The following TXLNB variants were observed in gnomAD, a reference collection of about 807,000 sequenced individuals.
The protein encoded by TXLNB is beta-taxilin.
TXLNB carries 37 observed loss-of-function variants against 57.4 expected under a neutral mutation model. The observed-to-expected ratio is 0.64, with a 90% confidence interval of 0.50 to 0.85. TXLNB has a LOEUF of 0.85. Ranked by LOEUF, TXLNB falls within the 40% of genes least tolerant of loss-of-function variation. The pLI is 0.00. For missense variants in TXLNB, 848 were observed against 825.6 expected (o/e 1.03, Z -0.33); for synonymous variants, 302 against 309.6 (o/e 0.98, Z 0.26).
chr6:139,174,528 C>T, the TXLNB span: 1 of 1,613,776 alleles, frequency 6.2e-7, no homozygotes, highest in Non-Finnish European at 8.5e-7. Context: ...GGCTGCCTCT[C>T]CATGTTGTCA....
intron 2 of TXLNB, among the ~76,000 whole-genome samples, chr6:139,281,144 T>A (rs1467034002): frequency 2.6e-5 from 4 of 152,172 alleles, no homozygotes; most frequent in African/African-American, 9.7e-5. Context: ...AATTAGTGGG[T>A]TGACTAAATG....
the TXLNB span, among the ~76,000 whole-genome samples, chr6:139,301,209 G>T: frequency 7.9e-5 from 12 of 152,108 alleles, no homozygotes; most frequent in Admixed American, 5.2e-4. Context: ...GGTCTCTGTG[G>T]AAAGGACAAA....
chr6:139,313,199 A>G, the TXLNB span, among the ~76,000 whole-genome samples: 4 of 151,592 alleles, frequency 2.6e-5, no homozygotes, highest in Non-Finnish European at 5.9e-5. Flanking sequence ...CAGCCTCCCG[A>G]GTAGCTGGGA....
chr6:139,304,465 G>C, the TXLNB span, among the ~76,000 whole-genome samples: 3 of 152,162 alleles, frequency 2.0e-5, no homozygotes, highest in African/African-American at 7.2e-5. Context: ...TCAGTACCAC[G>C]ATGCACAAAA....
the TXLNB span, chr6:139,167,361 G>T: frequency 6.8e-7 from 1 of 1,462,366 alleles, no homozygotes; most frequent in Non-Finnish European, 9.3e-7. Context: ...CTTTCTGTTT[G>T]TTAAAAACCA....
the TXLNB span, among the ~76,000 whole-genome samples, chr6:139,192,445 T>C: frequency 6.6e-6 from 1 of 152,240 alleles, no homozygotes. Flanking sequence ...TATTGTTTAT[T>C]GTGTGTCTCT....
At chr6:139,204,349 C>G in the TXLNB span, among the ~76,000 whole-genome samples, 1 of 152,194 alleles carries the variant, frequency 6.6e-6, no homozygotes, top group Admixed American at 6.5e-5. Flanking sequence ...AGCCACTGCT[C>G]CCAGCCTAAT....
At chr6:139,305,151 A>G in the TXLNB span, among the ~76,000 whole-genome samples, 4 of 152,146 alleles carry the variant, frequency 2.6e-5, no homozygotes, top group African/African-American at 7.2e-5. Flanking sequence ...TGTTCCCCCA[A>G]AAGCCTTCTC....
intron 6 of TXLNB, among the ~76,000 whole-genome samples, chr6:139,258,022 T>G (rs1776389327): frequency 6.6e-6 from 1 of 152,154 alleles, no homozygotes. Context: ...GTGGTGGCAC[T>G]GTGCCTGCTT....
intron 9 of TXLNB, among the ~76,000 whole-genome samples, chr6:139,243,807 A>G (rs1776007907): frequency 6.6e-6 from 1 of 152,214 alleles, no homozygotes. Context: ...ATTGGTTGCA[A>G]TTTGAGAAGA....
intron 7 of TXLNB, among the ~76,000 whole-genome samples, chr6:139,255,092 C>T (rs987651361): frequency 6.6e-6 from 1 of 152,124 alleles, no homozygotes; most frequent in Non-Finnish European, 1.5e-5. Context: ...AAAGTGCTGA[C>T]GTTACAGGTG....
chr6:139,161,609 C>T, the TXLNB span, among the ~76,000 whole-genome samples: 1 of 152,158 alleles, frequency 6.6e-6, no homozygotes, highest in African/African-American at 2.4e-5. Flanking sequence ...TTTGAAAAGA[C>T]ACAGAATTTT....
the TXLNB span, among the ~76,000 whole-genome samples, chr6:139,203,397 A>G: frequency 6.6e-6 from 1 of 152,154 alleles, no homozygotes; most frequent in Non-Finnish European, 1.5e-5. Flanking sequence ...CACTCGGGGG[A>G]AAATTGCTCT....
At chr6:139,202,230 C>T in the TXLNB span, among the ~76,000 whole-genome samples, 4 of 152,150 alleles carry the variant, frequency 2.6e-5, no homozygotes, top group African/African-American at 9.7e-5. Context: ...TTCAGTGATG[C>T]AAATCATGTG....
At chr6:139,190,560 C>T in the TXLNB span, among the ~76,000 whole-genome samples, 8 of 152,172 alleles carry the variant, frequency 5.3e-5, no homozygotes, top group South Asian at 8.3e-4. Context: ...CTGCTCACCT[C>T]GGCCTCCCAA....
the TXLNB span, among the ~76,000 whole-genome samples, chr6:139,226,544 T>A: frequency 0.01 from 1,533 of 152,254 alleles, 12 homozygotes; most frequent in Middle Eastern, 0.061. Context: ...TTTGTAATTG[T>A]TAAGTAATAA....
At chr6:139,177,846 T>C in the TXLNB span, 1 of 152,334 alleles carries the variant, frequency 6.6e-6, no homozygotes, top group East Asian at 1.9e-4. This position sits in a 1 kb window ranked among gnomAD's most constrained non-coding sequence, Gnocchi z 4.9. Context: ...AAGTTGGTAA[T>C]ATAGCTTTTA....
upstream of TXLNB, among the ~76,000 whole-genome samples, chr6:139,296,849 C>G (rs1777398275): frequency 6.6e-6 from 1 of 152,066 alleles, no homozygotes. Flanking sequence ...TGCAGGAATT[C>G]AAATCCAGCC....
At chr6:139,243,384 C>T in intron 9 of TXLNB, 70 bp from the exon 10 acceptor site, 10 of 1,464,870 alleles carry the variant, frequency 6.8e-6, no homozygotes, top group African/African-American at 1.4e-5. Context: ...GTCCAGGATG[C>T]TTTCTGGAAA....
Sources: gnomAD v4.1 joint callset for allele counts (sites outside exome capture counted in the v4.1 genomes callset) on GRCh38, gnomAD v4.1.1 for gene constraint, Gnocchi (gnomAD v3.1) non-coding constraint, MANE v1.5 for transcripts, NCBI Gene and HGNC (gene_info 2026-07-23, HGNC 2026-07-21) for gene names.